Variants in LATS2 observed in about 807,000 individuals in gnomAD.
LATS2 encodes the protein large tumor suppressor kinase 2.
In LATS2, 24 loss-of-function variants were observed where a neutral mutation model predicts 76.0. The ratio of observed to expected loss-of-function variants is 0.32; its 90% CI spans 0.23 to 0.44. The LOEUF (loss-of-function observed/expected upper bound fraction) is 0.44, where lower values mean the gene tolerates loss of function less well. Ranked by LOEUF, LATS2 falls within the 20% of genes least tolerant of loss-of-function variation. LATS2 has a pLI of 1.00. For synonymous variants in LATS2, 692 were observed against 635.4 expected, an observed-to-expected ratio of 1.09 and a Z score of -1.34; for missense variants, 1,286 against 1,481.2, an observed-to-expected ratio of 0.87 and a Z score of 2.16.
intron 2 of LATS2, among the ~76,000 whole-genome samples, chr13:21,037,318 C>T (rs891231092): frequency 2.6e-5 from 4 of 152,132 alleles, no homozygotes; most frequent in South Asian, 2.1e-4. Context: ...GGGGGAGAAT[C>T]GCTTGAACCC....
Position 20,988,497 on chromosome 13 carries a change from G to C in LATS2, c.1283C>G (p.Ala428Gly). ...PPGKAEPSLP[A>G]PNTVTAVTAA... is the part of the protein sequence containing the mutation. The stretch of plus-strand genomic sequence containing the variant: ...CGTGACAGCCGTCACGGTGTTGGGG[G>C]CGGGCAGGGAGGGCTCGGCCTTGCC... The change falls in exon 4 of 8, where the codon GCC (alanine) becomes GGC (glycine). Residue 428 changes from alanine to glycine, a missense_variant. Coordinates refer to ENST00000382592, the MANE Select transcript of LATS2 (RefSeq NM_014572.3). 1 of 1,552,086 alleles carries C rather than the reference G, an allele frequency of 6.4e-7. No homozygotes were observed. Among genetic ancestry groups the C allele is most frequent in the Non-Finnish European group, 8.6e-7 (1 of 1,156,822 alleles).
rs182873743 is a variant in LATS2, at chr13:21,019,090, T to C, written c.342+26595A>G. On this transcript the variant is annotated intron_variant, in intron 2 of 7. Transcript: ENST00000382592. The stretch of plus-strand genomic sequence containing the variant: ...TCCTGGACCAGCTGCTTTCTCCCTA[T>C]GTGGTCTAAGGGAGTTCCCTAATTA... Among the ~76,000 whole-genome samples, 95 of 152,296 alleles carry C rather than the reference T, an allele frequency of 6.2e-4. 1 individual carries two copies. In the South Asian group the frequency reaches 7.0e-3, roughly 11 times the overall value.
At chr13:21,040,352 C>T (rs1428969200) in intron 2 of LATS2, among the ~76,000 whole-genome samples, 5 of 147,268 alleles carry the variant, frequency 3.4e-5, no homozygotes, top group African/African-American at 1.0e-4. Flanking sequence ...CACTGCACTA[C>T]AGCCTCGGCG....
chr13:21,007,545 GTATATATATATATATATATATATA>G lies in LATS2; in HGVS notation c.343-16165_343-16142del, dbSNP rs71090549. Reference sequence around the variant, plus strand: ...CGTAGGGGATGGATATATATATATAGTATATATATATATATATATATATATATATATATATATATATAGTATATA... The same window carrying G: ...CGTAGGGGATGGATATATATATATAGTATATATATATATATATAGTATATA... On this transcript the variant is annotated intron_variant, in intron 2 of 7. Coordinates refer to ENST00000382592, the MANE Select transcript of LATS2 (RefSeq NM_014572.3). Among the ~76,000 whole-genome samples, 5 of 3,610 alleles carry G rather than the reference GTATATATATATATATATATATATA, an allele frequency of 1.4e-3. 1 individual carries two copies. Among genetic ancestry groups the G allele is most frequent in the African/African-American group, 5.2e-3 (5 of 956 alleles). 2.4% of individuals were successfully genotyped at this position (3,610 alleles called of 152,430 possible).
At chr13:21,004,694 T>C (rs1291249628) in intron 2 of LATS2, among the ~76,000 whole-genome samples, 3 of 152,198 alleles carry the variant, frequency 2.0e-5, no homozygotes, top group East Asian at 1.9e-4. Context: ...AATAGCACCA[T>C]GGGGCTGTTC....
intron 3 of LATS2, 51 bp from the exon 4 acceptor site, chr13:20,989,355 G>T: frequency 1.3e-6 from 2 of 1,593,716 alleles, no homozygotes; most frequent in Non-Finnish European, 1.7e-6. Context: ...TGATCAGTGG[G>T]TTCTGGCACT....
intron 2 of LATS2, among the ~76,000 whole-genome samples, chr13:21,016,477 A>C (rs1871805234): frequency 6.6e-6 from 1 of 151,924 alleles, no homozygotes; most frequent in Admixed American, 6.6e-5. Context: ...ACAGGGTTTC[A>C]CTATGTTGGC....
At chr13:21,002,263 G>T (rs187585747) in intron 2 of LATS2, among the ~76,000 whole-genome samples, 5 of 152,154 alleles carry the variant, frequency 3.3e-5, no homozygotes, top group South Asian at 2.1e-4. Flanking sequence ...GTCTAAGATG[G>T]TTGGTTACAC....
chr13:20,989,002 C>A lies in LATS2; in HGVS notation c.778G>T (p.Val260Leu), dbSNP rs1472865861. The change falls in exon 4 of 8, where the codon GTG becomes TTG. Residue 260 changes from valine to leucine, a missense_variant. This residue lies in a region of LATS2 where 710 missense variants were observed against 660.9 expected (regional missense o/e 1.07). Transcript: ENST00000382592. ...GAHYGRPHLL[V>L]PGEPLGYGVQ... Reference sequence around the variant, plus strand: ...CCGTAGCCCAGGGGTTCCCCAGGCACCAGCAGGTGCGGCCGCCCGTAGTGC... The same window carrying A: ...CCGTAGCCCAGGGGTTCCCCAGGCAACAGCAGGTGCGGCCGCCCGTAGTGC... 1.3e-6 allele frequency: 2 copies of A among 1,547,734 alleles called. No individual in the cohort carries two copies. Among genetic ancestry groups the A allele is most frequent in the Non-Finnish European group, 1.7e-6 (2 of 1,152,884 alleles).
At chr13:20,984,090 C>T (rs1276078848) in intron 4 of LATS2, among the ~76,000 whole-genome samples, 1 of 152,176 alleles carries the variant, frequency 6.6e-6, no homozygotes, top group African/African-American at 2.4e-5. Context: ...GCCACCATGA[C>T]ACCTGGCTAA....
chr13:20,979,565 C>A, intron 7 of LATS2, 126 bp downstream of exon 7: 1 of 422,584 alleles, frequency 2.4e-6, no homozygotes, highest in Non-Finnish European at 4.3e-6. Flanking sequence ...TTTAAAAATC[C>A]CATCCTATAC....
intron 4 of LATS2, among the ~76,000 whole-genome samples, chr13:20,986,844 T>C (rs376788053): frequency 2.0e-5 from 3 of 152,224 alleles, no homozygotes; most frequent in South Asian, 2.1e-4. Flanking sequence ...ACATATCCTA[T>C]GCATGTAACA....
In LATS2 at chr13:21,055,578, C is replaced by T. The variant is rs1439137423; in HGVS notation, c.-205+5768G>A. 3.3e-5 allele frequency among the ~76,000 whole-genome samples: 5 copies of T among 152,254 alleles called. No individual in the cohort carries two copies. In the East Asian group the frequency reaches 9.6e-4, roughly 29 times the overall value. On this transcript the variant is annotated intron_variant, in intron 1 of 7. Coordinates refer to ENST00000382592, the MANE Select transcript of LATS2 (RefSeq NM_014572.3). ...TGGTCCTACCAAACCCAATTCCAAC[C>T]CTCAATCCAATCCTGGAAAATGCTA...
At chr13:21,031,129 T>G (rs1328762928) in intron 2 of LATS2, among the ~76,000 whole-genome samples, 1 of 152,208 alleles carries the variant, frequency 6.6e-6, no homozygotes, top group Non-Finnish European at 1.5e-5. Context: ...GCTTTCAAGA[T>G]TTTGTCTTTA....
At chr13:21,025,393 CA>C (rs1171981071) in intron 2 of LATS2, among the ~76,000 whole-genome samples, 1,382 of 49,732 alleles carry the variant, frequency 0.028, 5 homozygotes, top group Middle Eastern at 0.068. Context: ...ACTCCGTCTC[CA>C]AAAAAAAAAA....
chr13:21,007,853 C>T (rs1373415424), intron 2 of LATS2, among the ~76,000 whole-genome samples: 1 of 135,706 alleles, frequency 7.4e-6, no homozygotes, highest in Non-Finnish European at 1.6e-5. Flanking sequence ...TCCACCTTCC[C>T]GGTTCAAGCG....
intron 2 of LATS2, among the ~76,000 whole-genome samples, chr13:21,023,432 C>T (rs1256624023): frequency 6.6e-6 from 1 of 151,814 alleles, no homozygotes; most frequent in East Asian, 1.9e-4. Flanking sequence ...ACTTGTAAGA[C>T]ACCGTGTGGG....
chr13:21,002,074 T>C (rs1984161), intron 2 of LATS2, among the ~76,000 whole-genome samples: 146,574 of 151,408 alleles, frequency 0.97, 71,123 homozygotes, highest in East Asian at 1. Context: ...CCACCATGCC[T>C]GGCTAATTTT....
chr13:20,979,273 G>T (rs760581826), intron 7 of LATS2, among the ~76,000 whole-genome samples: 2 of 152,138 alleles, frequency 1.3e-5, no homozygotes, highest in Non-Finnish European at 2.9e-5. Flanking sequence ...GCAGATTTTT[G>T]ACTGTGCAGG....
Sources: allele counts gnomAD v4.1 joint callset (sites outside exome capture counted in the v4.1 genomes callset), GRCh38; gene constraint gnomAD v4.1.1; regional missense constraint gnomAD v4.1.1; transcripts MANE v1.5; gene names NCBI Gene and HGNC (gene_info 2026-07-23, HGNC 2026-07-21).